The following FGF14 variants were observed in gnomAD, a reference collection of about 807,000 sequenced individuals.
FGF14 encodes the protein fibroblast growth factor 14.
In FGF14, 5 loss-of-function variants were observed where a neutral mutation model predicts 25.5. The ratio of observed to expected loss-of-function variants is 0.20; its 90% CI spans 0.10 to 0.41. The LOEUF is 0.41. Among genes scored for constraint, FGF14 ranks in the 10% least tolerant of loss-of-function variants. The pLI, the probability that FGF14 is intolerant of heterozygous loss-of-function variation, is 1.00. For synonymous variants in FGF14, 138 were observed against 118.3 expected (o/e 1.17, Z -1.08); for missense variants, 222 against 320.1 (o/e 0.69, Z 2.34).
chr13:102,024,992 CATAT>C (rs1233742504), intron 1 of FGF14, among the ~76,000 whole-genome samples: 10 of 149,930 alleles, frequency 6.7e-5, no homozygotes. Context: ...TACACACACA[CATAT>C]ATAAACACAC....
chr13:102,023,666 G>A (rs2139883476), intron 1 of FGF14, among the ~76,000 whole-genome samples: 1 of 151,962 alleles, frequency 6.6e-6, no homozygotes. Context: ...TGCCAATACT[G>A]GGCAATTCAT....
At chr13:101,946,199 C>A (rs1444749704) in intron 1 of FGF14, among the ~76,000 whole-genome samples, 1 of 151,974 alleles carries the variant, frequency 6.6e-6, no homozygotes, top group African/African-American at 2.4e-5. Flanking sequence ...CCCCTTTTCT[C>A]TTTCACCCTC....
intron 1 of FGF14, among the ~76,000 whole-genome samples, chr13:102,045,273 G>GA (rs908411161): frequency 9.1e-4 from 130 of 142,550 alleles, no homozygotes; most frequent in East Asian, 9.1e-3. Context: ...TATGCAGATG[G>GA]AAAAAAAAAA....
intron 1 of FGF14, among the ~76,000 whole-genome samples, chr13:101,958,261 C>T (rs576005192): frequency 3.2e-4 from 49 of 152,196 alleles, no homozygotes; most frequent in Admixed American, 1.8e-3. Context: ...TCTGAATGAC[C>T]TTGGACAGAA....
chr13:102,122,894 A>G (rs2045791977), intron 1 of FGF14, among the ~76,000 whole-genome samples: 2 of 152,166 alleles, frequency 1.3e-5, no homozygotes, highest in South Asian at 4.1e-4. Flanking sequence ...AGAAAGTGTA[A>G]AAAAATTGCT....
rs925875337 is a variant in FGF14 at position 102,244,863 on chromosome 13, C to T, written c.208+156608G>A. On this transcript the variant is annotated intron_variant, in intron 1 of 4. Transcript: ENST00000376131. ...GTTTCTGTTAACACACATAAATACACAGAGGAAAACAGATTTAATGTGTTT... is the reference window on the plus strand; with the variant it reads ...GTTTCTGTTAACACACATAAATACATAGAGGAAAACAGATTTAATGTGTTT... 7.9e-5 allele frequency among the ~76,000 whole-genome samples: 12 copies of T among 152,088 alleles called. No individual in the cohort carries two copies. In the South Asian group the frequency reaches 2.1e-3, roughly 26 times the overall value.
intron 1 of FGF14, among the ~76,000 whole-genome samples, chr13:102,019,736 C>A (rs989424424): frequency 1.5e-4 from 23 of 152,148 alleles, no homozygotes; most frequent in Admixed American, 1.5e-3. Flanking sequence ...TCATGTTGTA[C>A]TTGTACTGAA....
At chr13:102,151,956 C>CATT (rs2047107922) in intron 1 of FGF14, among the ~76,000 whole-genome samples, 1 of 152,092 alleles carries the variant, frequency 6.6e-6, no homozygotes, top group Non-Finnish European at 1.5e-5. Flanking sequence ...GATTACAATG[C>CATT]ATTATTAGCC....
At chr13:102,292,479 G>A (rs1037635121) in intron 1 of FGF14, 6 of 152,020 alleles carry the variant, frequency 3.9e-5, no homozygotes, top group South Asian at 2.1e-4. Context: ...TTAAAGATAT[G>A]TACATGGACA....
rs775136913 is a variant in FGF14 at position 102,401,610 on chromosome 13, G to A, written c.69C>T (p.Leu23=). Reference sequence around the variant, plus strand: ...GCAGCTTAGACACCCTGAGAAAGAAGAGATCCTTGTGGTTGCATAATAATA... The same window carrying A: ...GCAGCTTAGACACCCTGAGAAAGAAAAGATCCTTGTGGTTGCATAATAATA... The change falls in exon 1 of 5, where the codon CTC becomes CTT. Residue 23 remains leucine (L), a synonymous_variant. Coordinates refer to the FGF14 transcript ENST00000376131. 3.5e-5 allele frequency: 56 copies of A among 1,614,020 alleles called. No individual in the cohort carries two copies. Among genetic ancestry groups the A allele is most frequent in the Non-Finnish European group, 4.6e-5 (54 of 1,180,004 alleles).
chr13:101,800,076 T>C (rs74121035), intron 3 of FGF14, among the ~76,000 whole-genome samples: 2,417 of 152,230 alleles, frequency 0.016, 51 homozygotes, highest in South Asian at 0.074. Context: ...AAAATGGCCC[T>C]TTATTTTAAT....
chr13:101,766,019 G>A lies in FGF14; in HGVS notation c.409-39209C>T, dbSNP rs28410688. 5.6e-3 allele frequency among the ~76,000 whole-genome samples: 849 copies of A among 152,246 alleles called. 5 individuals are homozygous for A. Among genetic ancestry groups the A allele is most frequent in the African/African-American group, 0.02 (819 of 41,552 alleles). ...GCTGGGATTACAGGCATGAGCCACT[G>A]TGCCTGGCCAGCCTTTTACTTCTTA... On this transcript the variant is annotated intron_variant, in intron 3 of 4. Transcript: ENST00000376143.
In FGF14 at chr13:101,721,933, A is replaced by AATC. The variant is rs892559025; in HGVS notation, c.*895_*897dup. 1.3e-5 allele frequency: 2 copies of AATC among 151,984 alleles called. No individual in the cohort carries two copies. Among genetic ancestry groups the AATC allele is most frequent in the Admixed American group, 6.6e-5 (1 of 15,236 alleles). 9.4% of individuals were successfully genotyped at this position (151,984 alleles called of 1,614,324 possible). On this transcript the variant is annotated 3_prime_UTR_variant, in exon 5 of 5. Coordinates refer to ENST00000376143, the MANE Select transcript of FGF14 (RefSeq NM_004115.4). ...TAATCAGGCCTACAAGGCCTACAGA[A>AATC]ATCTTTGGACCCACTTTCTCAAAAA...
chr13:102,235,229 T>G (rs1353971627), intron 1 of FGF14, among the ~76,000 whole-genome samples: 1 of 152,250 alleles, frequency 6.6e-6, no homozygotes, highest in Non-Finnish European at 1.5e-5. Context: ...TGTTTAATCA[T>G]GCCAAACAAT....
At chr13:102,094,566 A>G (rs2044306740) in intron 1 of FGF14, among the ~76,000 whole-genome samples, 1 of 152,166 alleles carries the variant, frequency 6.6e-6, no homozygotes, top group African/African-American at 2.4e-5. Flanking sequence ...ACTAGGATAC[A>G]AGGAAGGAAG....
rs548676326 is a variant in FGF14 at position 102,034,570 on chromosome 13, G to A, written c.209-159274C>T. On this transcript the variant is annotated intron_variant, in intron 1 of 4. Coordinates refer to the FGF14 transcript ENST00000376131. ...TAGCCTTGGGCAAAAATGTAATGAGGTGCCAAAACATCAGTCACCAAGGTA... is the reference window on the plus strand; with the variant it reads ...TAGCCTTGGGCAAAAATGTAATGAGATGCCAAAACATCAGTCACCAAGGTA... Among the ~76,000 whole-genome samples, 248 of 152,208 alleles carry A rather than the reference G, an allele frequency of 1.6e-3. 3 individuals are homozygous for A. The highest frequency in any genetic ancestry group is 5.6e-3 in the African/African-American group (231 of 41,556).
At chr13:102,064,064 A>T (rs2042802006) in intron 1 of FGF14, among the ~76,000 whole-genome samples, 1 of 152,230 alleles carries the variant, frequency 6.6e-6, no homozygotes, top group Non-Finnish European at 1.5e-5. Context: ...AGCAAGGAAC[A>T]TTTAATTTAC....
intron 2 of FGF14, among the ~76,000 whole-genome samples, chr13:101,874,240 G>C (rs139249041): frequency 2.2e-3 from 334 of 152,066 alleles, no homozygotes; most frequent in African/African-American, 7.8e-3. Flanking sequence ...AAAAGGAAGT[G>C]CCTTCTGATT....
At chr13:101,763,642 TG>T (rs951012471) in intron 3 of FGF14, among the ~76,000 whole-genome samples, 2 of 152,142 alleles carry the variant, frequency 1.3e-5, no homozygotes, top group Non-Finnish European at 2.9e-5. Flanking sequence ...GTGGATCACC[TG>T]AGAGTAAGGA....
Sources: allele counts gnomAD v4.1 joint callset (sites outside exome capture counted in the v4.1 genomes callset), GRCh38; gene constraint gnomAD v4.1.1; transcripts MANE v1.5; gene names NCBI Gene and HGNC (gene_info 2026-07-23, HGNC 2026-07-21).